Variants in SNTG1 observed in about 807,000 individuals in gnomAD.
SNTG1 encodes the protein syntrophin gamma 1, also known as gamma-1-syntrophin.
In SNTG1, 39 loss-of-function variants were observed where a neutral mutation model predicts 74.7. The observed-to-expected ratio is 0.52, with a 90% CI of 0.40 to 0.68. SNTG1 has a LOEUF of 0.68. Among genes scored for constraint, SNTG1 ranks in the 30% least tolerant of loss-of-function variants. The pLI, the probability that SNTG1 is intolerant of heterozygous loss-of-function variation, is 0.00. For synonymous variants in SNTG1, 254 were observed against 217.1 expected (o/e 1.17, Z -1.49); for missense variants, 685 against 609.5 (o/e 1.12, Z -1.30).
chr8:50,316,982 G>T (rs1480998976), intron 2 of SNTG1, among the ~76,000 whole-genome samples: 1 of 152,166 alleles, frequency 6.6e-6, no homozygotes, highest in African/African-American at 2.4e-5. Flanking sequence ...CACTGCTAAA[G>T]AAGCAATGAT....
intron 1 of SNTG1, among the ~76,000 whole-genome samples, chr8:49,991,662 G>A (rs1233606436): frequency 2.0e-5 from 3 of 152,158 alleles, no homozygotes; most frequent in Non-Finnish European, 2.9e-5. Flanking sequence ...GTATAACTGA[G>A]ATGAGCTTTG....
At chr8:50,042,129 G>A (rs1418632317) in intron 1 of SNTG1, among the ~76,000 whole-genome samples, 1 of 151,912 alleles carries the variant, frequency 6.6e-6, no homozygotes, top group African/African-American at 2.4e-5. Context: ...CATTTTTTTG[G>A]TCATCAGCCT....
chr8:50,373,766 T>C (rs748353231), intron 2 of SNTG1, among the ~76,000 whole-genome samples: 28 of 152,216 alleles, frequency 1.8e-4, no homozygotes, highest in Non-Finnish European at 3.7e-4. Context: ...ATGTTCTTAA[T>C]TCCATATCTG....
In SNTG1 at chr8:50,190,553, G is replaced by A. The variant is rs529280837; in HGVS notation, c.-28+17918G>A. Among the ~76,000 whole-genome samples, 5 of 152,238 alleles carry A rather than the reference G, an allele frequency of 3.3e-5. No individual in the cohort carries two copies. In the East Asian group the frequency reaches 7.7e-4, roughly 23 times the overall value. ...GTAATGAATTGGCCGTAACTAATTA[G>A]CATGCCATAAATCATCACACTGGTG... On this transcript the variant is annotated intron_variant, in intron 2 of 18. Transcript: ENST00000642720.
intron 1 of SNTG1, among the ~76,000 whole-genome samples, chr8:50,014,392 G>C (rs1816113292): frequency 2.0e-5 from 3 of 152,114 alleles, no homozygotes; most frequent in Admixed American, 1.3e-4. Context: ...ACCTAGGGCT[G>C]TGATTTTAGT....
chr8:50,132,567 A>T (rs1187394510), intron 1 of SNTG1, among the ~76,000 whole-genome samples: 1 of 152,180 alleles, frequency 6.6e-6, no homozygotes, highest in African/African-American at 2.4e-5. Flanking sequence ...AACAGGGAAA[A>T]TTCTATTAGG....
chr8:50,253,305 C>G (rs1254278213), intron 2 of SNTG1, among the ~76,000 whole-genome samples: 4 of 151,954 alleles, frequency 2.6e-5, no homozygotes, highest in Admixed American at 2.6e-4. Flanking sequence ...CACCTGTAAT[C>G]CCAGCTACTC....
At chr8:50,595,025 T>A (rs1328701494) in intron 13 of SNTG1, among the ~76,000 whole-genome samples, 1 of 12,214 alleles carries the variant, frequency 8.2e-5, no homozygotes. Context: ...TGAAGATGTG[T>A]GTGTGTGTGT....
intron 1 of SNTG1, among the ~76,000 whole-genome samples, chr8:50,044,816 T>C (rs1461285840): frequency 6.6e-6 from 1 of 152,226 alleles, no homozygotes; most frequent in African/African-American, 2.4e-5. Flanking sequence ...GAAAAATGTA[T>C]TGATTCTTCA....
chr8:50,318,920 T>C (rs749989921), intron 2 of SNTG1, among the ~76,000 whole-genome samples: 2 of 151,952 alleles, frequency 1.3e-5, no homozygotes, highest in African/African-American at 2.4e-5. Flanking sequence ...GTTTTATCAA[T>C]AGAATACATA....
intron 2 of SNTG1, 61 bp from the exon 3 acceptor site, chr8:50,394,151 T>C (rs912072128): frequency 7.5e-7 from 1 of 1,339,282 alleles, no homozygotes; most frequent in African/African-American, 1.5e-5. Context: ...TCCACTATAT[T>C]AGTGTTCTCT....
chr8:50,436,835 A>C (rs888337703), intron 4 of SNTG1, among the ~76,000 whole-genome samples: 1 of 152,142 alleles, frequency 6.6e-6, no homozygotes, highest in African/African-American at 2.4e-5. Context: ...CTTATAATGC[A>C]CATGTTTAAC....
At chr8:50,622,488 C>A (rs1014997284) in intron 13 of SNTG1, among the ~76,000 whole-genome samples, 2 of 151,844 alleles carry the variant, frequency 1.3e-5, no homozygotes, top group Admixed American at 1.3e-4. Context: ...GTATTTTGTC[C>A]TTGGGAAGCT....
chr8:50,582,479 A>G (rs2094616841), intron 12 of SNTG1, among the ~76,000 whole-genome samples: 1 of 152,140 alleles, frequency 6.6e-6, no homozygotes, highest in Admixed American at 6.5e-5. Context: ...CTATACTGAT[A>G]GTATAGAGGA....
At chr8:50,145,721 A>G (rs576925344) in intron 1 of SNTG1, among the ~76,000 whole-genome samples, 2 of 152,306 alleles carry the variant, frequency 1.3e-5, no homozygotes, top group South Asian at 4.1e-4. Flanking sequence ...ATTGTTCCAA[A>G]ATAACAAATT....
chr8:49,991,288 A>G (rs749078037), intron 1 of SNTG1, among the ~76,000 whole-genome samples: 8 of 152,236 alleles, frequency 5.3e-5, no homozygotes, highest in Non-Finnish European at 2.9e-5. Context: ...AAGAAAGGTA[A>G]TAGAAAGTGT....
intron 1 of SNTG1, among the ~76,000 whole-genome samples, chr8:50,133,087 A>G (rs181965209): frequency 6.6e-6 from 1 of 152,252 alleles, no homozygotes; most frequent in African/African-American, 2.4e-5. Flanking sequence ...ACATTTTACT[A>G]TAAGAAGCAA....
At chr8:50,679,820 C>T (rs2095324028) in intron 15 of SNTG1, among the ~76,000 whole-genome samples, 2 of 152,200 alleles carry the variant, frequency 1.3e-5, no homozygotes, top group South Asian at 2.1e-4. Context: ...ATATTTGTAA[C>T]TTTTGAAGAT....
chr8:50,461,951 A>G (rs1361281470), intron 8 of SNTG1, among the ~76,000 whole-genome samples: 1 of 152,084 alleles, frequency 6.6e-6, no homozygotes, highest in Non-Finnish European at 1.5e-5. Flanking sequence ...ACATGTGTAT[A>G]CATGCCTGTT....
Sources: gnomAD v4.1 joint callset for allele counts (sites outside exome capture counted in the v4.1 genomes callset) on GRCh38, gnomAD v4.1.1 for gene constraint, MANE v1.5 for transcripts, NCBI Gene and HGNC (gene_info 2026-07-23, HGNC 2026-07-21) for gene names.